Variants in RPS15A observed in about 807,000 individuals in gnomAD.
RPS15A encodes small ribosomal subunit protein uS8.
For synonymous variants in RPS15A, 55 were observed against 58.5 expected (o/e 0.94, Z 0.27); for missense variants, 62 against 163.4 (o/e 0.38, Z 3.38).
At chr16:18,783,162 T>C (rs1199952774) in intron 4 of RPS15A, 60 bp from the exon 5 acceptor site, 4 of 1,135,758 alleles carry the variant, frequency 3.5e-6, no homozygotes, top group Non-Finnish European at 5.3e-6. Context: ...TGCCTTCTAG[T>C]GCAGAAAAAC....
At chr16:18,788,199 C>CT (rs2029931144) in intron 2 of RPS15A, 57 bp from the exon 3 acceptor site, 1 of 1,098,446 alleles carries the variant, frequency 9.1e-7, no homozygotes, top group Admixed American at 1.7e-5. Flanking sequence ...AGCTAAACCT[C>CT]TGTGCTCTAG....
At chr16:18,784,581 A>C (rs1411764173) in intron 4 of RPS15A, 157 bp downstream of exon 4, 4 of 617,004 alleles carry the variant, frequency 6.5e-6, no homozygotes, top group Non-Finnish European at 1.1e-5. Flanking sequence ...GAAAAGAAAT[A>C]TGGATAACAC....
intron 1 of RPS15A, 71 bp from the exon 2 acceptor site, chr16:18,789,189 G>T: frequency 6.9e-7 from 1 of 1,449,026 alleles, no homozygotes; most frequent in South Asian, 1.3e-5. Flanking sequence ...CCATTACACT[G>T]CGGAAGTATC....
intron 3 of RPS15A, chr16:18,786,232 G>T: frequency 4.4e-6 from 1 of 225,450 alleles, no homozygotes; most frequent in Non-Finnish European, 9.2e-6. Context: ...GGGCATGGTG[G>T]CACTCACCTG....
At chr16:18,788,207 T>C (rs1259976148) in intron 2 of RPS15A, 65 bp from the exon 3 acceptor site, 7 of 1,025,522 alleles carry the variant, frequency 6.8e-6, no homozygotes, top group African/African-American at 4.7e-5. Flanking sequence ...CTCTGTGCTC[T>C]AGCCTACTCA....
intron 2 of RPS15A, chr16:18,788,559 G>C (rs113327411): frequency 1.4e-4 from 26 of 183,110 alleles, no homozygotes; most frequent in African/African-American, 5.9e-4. Flanking sequence ...GCCGATCTCG[G>C]CTCACTGCAA....
At chr16:18,788,832 GAC>G (rs1355100764) in intron 2 of RPS15A, 147 bp downstream of exon 2, 1 of 780,874 alleles carries the variant, frequency 1.3e-6, no homozygotes, top group East Asian at 2.6e-5. Flanking sequence ...AGCAGTTTCA[GAC>G]TATCCCCTCC....
intron 2 of RPS15A, among the ~76,000 whole-genome samples, chr16:18,788,384 C>CA (rs2029935636): frequency 6.6e-6 from 1 of 152,186 alleles, no homozygotes; most frequent in South Asian, 2.1e-4. Context: ...TCCCCTTGAC[C>CA]CTTCCTTCAC....
rs1386730793 is a variant in RPS15A at position 18,782,495 on chromosome 16, G to A, written c.*514C>T. Reference sequence around the variant, plus strand: ...CCCAGCACTTCGGGAGGCCGAGGTAGGCTGATCACTTGAGGCCCAGAACTC... The same window carrying A: ...CCCAGCACTTCGGGAGGCCGAGGTAAGCTGATCACTTGAGGCCCAGAACTC... On this transcript the variant is annotated 3_prime_UTR_variant, in exon 5 of 5. Coordinates refer to ENST00000322989, the MANE Select transcript of RPS15A (RefSeq NM_001019.5). 6.6e-6 allele frequency: 1 copy of A among 152,600 alleles called. No individual in the cohort carries two copies. Among genetic ancestry groups the A allele is most frequent in the Non-Finnish European group, 1.5e-5 (1 of 68,426 alleles). 9.5% of individuals were successfully genotyped at this position (152,600 alleles called of 1,614,324 possible).
intron 3 of RPS15A, chr16:18,785,445 C>T (rs1904032369): frequency 6.6e-6 from 1 of 152,138 alleles, no homozygotes; most frequent in South Asian, 2.1e-4. Flanking sequence ...CAACAATGAT[C>T]CTCCCAAGTA....
chr16:18,782,863 C>A lies in RPS15A; in HGVS notation c.*146G>T. On this transcript the variant is annotated 3_prime_UTR_variant, in exon 5 of 5. Coordinates refer to ENST00000322989, the MANE Select transcript of RPS15A (RefSeq NM_001019.5). ...CTTTTTCCCTTGGCTGTATTAGTCA[C>A]TTCAGGGAATCGCATTCACCGATAA... The A allele has an allele frequency of 1.7e-6, 1 of 592,362 alleles. No individual in the cohort carries two copies. The highest frequency in any genetic ancestry group is 2.1e-5 in the South Asian group (1 of 48,692). The allele number at this position is 592,362 out of a possible 1,614,324, so 36.7% of individuals were successfully genotyped here.
intron 4 of RPS15A, chr16:18,783,749 T>C: frequency 2.2e-6 from 1 of 454,130 alleles, no homozygotes; most frequent in South Asian, 1.6e-5. Flanking sequence ...CTGTGTCAGC[T>C]CATAAAGTGC....
Position 18,788,074 on chromosome 16 carries a change from T to G in RPS15A, c.202A>C (p.Arg68=). ...TCACTCGTTCTTACCTTGTTTAGCC[T>G]GCCTGTGAGGTTCACAACAATTTTC... ...AGKIVVNLTG[R]LNKCGVISPR... Residue 68 remains arginine, a synonymous_variant, in exon 3 of 5, where the codon AGG becomes CGG. Coordinates refer to ENST00000322989, the MANE Select transcript of RPS15A (RefSeq NM_001019.5). 6.4e-7 allele frequency: 1 copy of G among 1,553,310 alleles called. No individual in the cohort carries two copies.
chr16:18,788,037 G>A (rs1034962051), intron 3 of RPS15A, 26 bp downstream of exon 3: 6 of 1,463,146 alleles, frequency 4.1e-6, no homozygotes, highest in Admixed American at 1.7e-5. Context: ...TTAAAGCTTT[G>A]AAATGTGTAG....
At chr16:18,788,817 T>A (rs796736416) in intron 2 of RPS15A, 164 bp downstream of exon 2, 20 of 675,390 alleles carry the variant, frequency 3.0e-5, no homozygotes, top group Non-Finnish European at 4.6e-5. Flanking sequence ...TCTAAGTGAC[T>A]CTTCAGCAGT....
Position 18,789,229 on chromosome 16 carries a change from T to A in RPS15A, c.-5-111A>T, listed in dbSNP as rs1186836496. 4.7e-6 allele frequency: 5 copies of A among 1,062,476 alleles called. No homozygotes were observed. The Admixed American group carries it at 1.3e-4, about 28-fold the overall frequency. The allele number at this position is 1,062,476 out of a possible 1,614,324, so 65.8% of individuals were successfully genotyped here. Reference sequence around the variant, plus strand: ...CCTTTCTGGCCCCACCTTGGCGAAGTTTTCTCAAGTCTAAGCAGGCTGCTT... The same window carrying A: ...CCTTTCTGGCCCCACCTTGGCGAAGATTTCTCAAGTCTAAGCAGGCTGCTT... On this transcript the variant is annotated intron_variant, in intron 1 of 4. Transcript: ENST00000322989.
intron 4 of RPS15A, chr16:18,783,305 C>G: frequency 1.9e-6 from 1 of 539,548 alleles, no homozygotes; most frequent in East Asian, 3.1e-5. Context: ...TCCAGAGAGC[C>G]CAGCCACACA....
intron 2 of RPS15A, 135 bp downstream of exon 2, chr16:18,788,846 C>T: frequency 1.1e-6 from 1 of 907,628 alleles, no homozygotes; most frequent in Admixed American, 2.6e-5. Context: ...ATCCCCTCCT[C>T]CACAGCCCAC....
rs536455259 is a variant in RPS15A, at chr16:18,788,483, T to A, written c.134-341A>T. Reference sequence around the variant, plus strand: ...AAGAGCTCTGAGAAGATCTCAAGAGTCCTTTCTTTCTTTTTTTTTTTTTTG... The same window carrying A: ...AAGAGCTCTGAGAAGATCTCAAGAGACCTTTCTTTCTTTTTTTTTTTTTTG... On this transcript the variant is annotated intron_variant, in intron 2 of 4. Transcript: ENST00000322989. 20 of 244,738 alleles carry A rather than the reference T, an allele frequency of 8.2e-5. No homozygotes were observed. The East Asian group carries it at 1.8e-3, about 22-fold the overall frequency. 15.2% of individuals were successfully genotyped at this position (244,738 alleles called of 1,614,324 possible).
Sources: gnomAD v4.1 joint callset for allele counts (sites outside exome capture counted in the v4.1 genomes callset) on GRCh38, gnomAD v4.1.1 for gene constraint, MANE v1.5 for transcripts, NCBI Gene and HGNC (gene_info 2026-07-23, HGNC 2026-07-21) for gene names.